The following GXYLT1 variants were observed in gnomAD, a reference collection of about 807,000 sequenced individuals.
GXYLT1 encodes glycosyltransferase 8 domain containing 3.
GXYLT1 carries 29 observed loss-of-function variants against 54.0 expected under a neutral mutation model. The observed-to-expected ratio is 0.54, with a 90% CI of 0.40 to 0.73. The LOEUF (loss-of-function observed/expected upper bound fraction) is 0.73, where lower values mean the gene tolerates loss of function less well. Ranked by LOEUF, GXYLT1 falls within the 30% of genes least tolerant of loss-of-function variation. GXYLT1 has a pLI of 0.00. For synonymous variants in GXYLT1, 176 were observed against 204.1 expected (o/e 0.86, Z 1.17); for missense variants, 490 against 553.4 (o/e 0.89, Z 1.15).
chr12:42,136,095 C>T (rs541637025), intron 1 of GXYLT1, among the ~76,000 whole-genome samples: 2 of 152,238 alleles, frequency 1.3e-5, no homozygotes, highest in South Asian at 4.1e-4. Flanking sequence ...AGTTTTTTAA[C>T]TCCCAAATAT....
intron 1 of GXYLT1, among the ~76,000 whole-genome samples, chr12:42,143,228 T>C (rs1439641857): frequency 6.6e-6 from 1 of 152,234 alleles, no homozygotes; most frequent in Non-Finnish European, 1.5e-5. Flanking sequence ...TTTTCCATAA[T>C]TGCAAATGCT....
At chr12:42,100,528 T>G (rs574658607) in intron 5 of GXYLT1, among the ~76,000 whole-genome samples, 1 of 151,924 alleles carries the variant, frequency 6.6e-6, no homozygotes, top group East Asian at 1.9e-4. Context: ...AATCTATCCT[T>G]TAAAAAAGAG....
chr12:42,105,761 A>G, intron 5 of GXYLT1, 57 bp downstream of exon 5: 1 of 1,442,106 alleles, frequency 6.9e-7, no homozygotes, highest in Non-Finnish European at 9.4e-7. Flanking sequence ...GTTTTATTAA[A>G]AACAATTTAG....
chr12:42,112,808 T>A (rs1452137138), intron 3 of GXYLT1, among the ~76,000 whole-genome samples: 1 of 150,796 alleles, frequency 6.6e-6, no homozygotes, highest in Non-Finnish European at 1.5e-5. Context: ...AAGATACTCC[T>A]CAAGAAGAGC....
chr12:42,117,357 A>G (rs1309200286), intron 3 of GXYLT1, among the ~76,000 whole-genome samples: 1 of 152,134 alleles, frequency 6.6e-6, no homozygotes, highest in Non-Finnish European at 1.5e-5. Flanking sequence ...GATACTAAAA[A>G]TATTTTTAAA....
At chr12:42,124,898 T>C (rs988906323) in intron 2 of GXYLT1, among the ~76,000 whole-genome samples, 2 of 152,192 alleles carry the variant, frequency 1.3e-5, no homozygotes, top group Non-Finnish European at 2.9e-5. Flanking sequence ...TAACCTGGTA[T>C]TGGGGAAAGC....
intron 5 of GXYLT1, 32 bp from the exon 6 acceptor site, chr12:42,098,065 A>C: frequency 6.2e-7 from 1 of 1,600,904 alleles, no homozygotes; most frequent in Non-Finnish European, 8.5e-7. Flanking sequence ...AGAGCTTCAG[A>C]CTTTCAGGCT....
rs2065366552 is a variant in GXYLT1 at position 42,097,997 on chromosome 12, T to C, written c.901A>G (p.Ile301Val). The C allele has an allele frequency of 2.5e-6, 4 of 1,605,762 alleles. No individual in the cohort carries two copies. The highest frequency in any genetic ancestry group is 3.4e-6 in the Non-Finnish European group (4 of 1,173,060). Reference protein sequence around the residue: ...MTTVRLQWGDILMPLLKKYKL... With the variant: ...MTTVRLQWGDVLMPLLKKYKL... ...TATTTTTTAAGCAATGGCATAAGTA[T>C]ATCTCCCCATTGTAGTCGTACAGTT... The change falls in exon 6 of 8, where the codon ATA (isoleucine) becomes GTA (valine). Residue 301 changes from isoleucine to valine, a missense_variant. By Grantham distance (29) the Ile-to-Val change is conservative. Around this residue, in one of 2 missense-constraint regions of GXYLT1, gnomAD observed 342 missense variants for 342.6 expected, o/e 1.00. Transcript: ENST00000398675.
chr12:42,090,445 T>C (rs1379066133), intron 7 of GXYLT1, among the ~76,000 whole-genome samples: 2 of 152,340 alleles, frequency 1.3e-5, no homozygotes, highest in Non-Finnish European at 2.9e-5. Flanking sequence ...CTGGTACTCA[T>C]CATCCTTACA....
At position 42,111,181 on chromosome 12, in the gene GXYLT1, G is replaced by A. The variant is rs140483428; in HGVS notation, c.487-1490C>T. Among the ~76,000 whole-genome samples, 1,131 of 152,320 alleles carry A rather than the reference G, an allele frequency of 7.4e-3. 15 individuals carry two copies. Among genetic ancestry groups the A allele is most frequent in the African/African-American group, 0.026 (1,064 of 41,556 alleles). ...AAGATGGCCGAATAGGAACAGCTTT[G>A]GTCGACAGCTCCCAGCGTCAGCAAC... On this transcript the variant is annotated intron_variant, in intron 3 of 7. Transcript: ENST00000398675.
chr12:42,134,143 T>A (rs1688846), intron 1 of GXYLT1, among the ~76,000 whole-genome samples: 2,994 of 151,602 alleles, frequency 0.02, 114 homozygotes, highest in African/African-American at 0.068. Context: ...GAGGCTACAG[T>A]GAATTGTGAT....
At chr12:42,130,363 A>G (rs2065587075) in intron 1 of GXYLT1, among the ~76,000 whole-genome samples, 1 of 152,216 alleles carries the variant, frequency 6.6e-6, no homozygotes, top group South Asian at 2.1e-4. Flanking sequence ...GCCAAGATGT[A>G]TATGAAAATG....
At chr12:42,137,496 T>C (rs2065626234) in intron 1 of GXYLT1, among the ~76,000 whole-genome samples, 1 of 118,430 alleles carries the variant, frequency 8.4e-6, no homozygotes, top group Non-Finnish European at 1.7e-5. Context: ...CGACAGAGCA[T>C]CTGTTTCAAA....
At chr12:42,099,995 T>C (rs1435453302) in intron 5 of GXYLT1, among the ~76,000 whole-genome samples, 1 of 152,252 alleles carries the variant, frequency 6.6e-6, no homozygotes, top group East Asian at 1.9e-4. Flanking sequence ...ATTTATATTT[T>C]ATGCTTTTTT....
chr12:42,119,290 C>T (rs1381143530), intron 2 of GXYLT1, 119 bp from the exon 3 acceptor site: 1 of 764,278 alleles, frequency 1.3e-6, no homozygotes, highest in Non-Finnish European at 2.2e-6. Context: ...CCTGCAGTCC[C>T]AGCTACACGG....
At chr12:42,140,325 G>A (rs547750450) in intron 1 of GXYLT1, among the ~76,000 whole-genome samples, 1 of 151,654 alleles carries the variant, frequency 6.6e-6, no homozygotes, top group African/African-American at 2.4e-5. Flanking sequence ...CCACTGCCAG[G>A]GCATTTTGAT....
At chr12:42,102,186 T>C (rs1015052737) in intron 5 of GXYLT1, among the ~76,000 whole-genome samples, 6 of 152,342 alleles carry the variant, frequency 3.9e-5, no homozygotes, top group African/African-American at 1.4e-4. Context: ...CAGCCTGTCC[T>C]ATACATACAT....
chr12:42,113,217 C>T (rs2065470199), intron 3 of GXYLT1, among the ~76,000 whole-genome samples: 1 of 151,108 alleles, frequency 6.6e-6, no homozygotes, highest in Non-Finnish European at 1.5e-5. Context: ...GAAGAAACTA[C>T]ATGAACTAAC....
chr12:42,127,708 T>C (rs1011904976), intron 2 of GXYLT1, among the ~76,000 whole-genome samples: 4 of 152,218 alleles, frequency 2.6e-5, no homozygotes, highest in African/African-American at 9.6e-5. Context: ...TTTTCAAGTT[T>C]ACCCAGCTTC....
Sources: allele counts gnomAD v4.1 joint callset (sites outside exome capture counted in the v4.1 genomes callset), GRCh38; gene constraint gnomAD v4.1.1; regional missense constraint gnomAD v4.1.1; transcripts MANE v1.5; gene names NCBI Gene and HGNC (gene_info 2026-07-23, HGNC 2026-07-21).